The following BCKDHB variants were observed in gnomAD, a reference collection of about 807,000 sequenced individuals.
BCKDHB encodes the protein 2-oxoisovalerate dehydrogenase subunit beta, mitochondrial.
BCKDHB carries 41 observed loss-of-function variants against 48.5 expected under a neutral mutation model. The observed-to-expected ratio is 0.85, with a 90% confidence interval of 0.66 to 1.10. The LOEUF (loss-of-function observed/expected upper bound fraction) is 1.10, where lower values mean the gene tolerates loss of function less well. BCKDHB is among the 50% of genes least tolerant of loss of function. The probability of loss-of-function intolerance (pLI) is 0.00; values close to 1 mark genes in which losing one functional copy is unlikely to be tolerated. For missense variants in BCKDHB, 496 were observed against 494.2 expected (o/e 1.00, Z -0.03); for synonymous variants, 201 against 174.8 (o/e 1.15, Z -1.18).
At chr6:80,136,479 C>T (rs576079664) in intron 3 of BCKDHB, among the ~76,000 whole-genome samples, 1 of 152,032 alleles carries the variant, frequency 6.6e-6, no homozygotes, top group African/African-American at 2.4e-5. Context: ...AGATCACAGA[C>T]TTAAATGTAA....
At chr6:80,144,970 A>G (rs1771408930) in intron 3 of BCKDHB, among the ~76,000 whole-genome samples, 1 of 152,160 alleles carries the variant, frequency 6.6e-6, no homozygotes, top group African/African-American at 2.4e-5. Flanking sequence ...TCCATGTTCC[A>G]GGGAAGTACA....
At chr6:80,429,828 C>A in the BCKDHB span, among the ~76,000 whole-genome samples, 1 of 152,180 alleles carries the variant, frequency 6.6e-6, no homozygotes, top group Non-Finnish European at 1.5e-5. Flanking sequence ...AATTTGACTT[C>A]CTCTTTTCCT....
At chr6:80,171,492 T>A in intron 6 of BCKDHB, 102 bp downstream of exon 6, 1 of 696,198 alleles carries the variant, frequency 1.4e-6, no homozygotes, top group Non-Finnish European at 2.3e-6. Context: ...TGATTTATAT[T>A]TTCCTTGTAG....
intron 6 of BCKDHB, among the ~76,000 whole-genome samples, chr6:80,171,594 G>A (rs1772921333): frequency 6.6e-6 from 1 of 151,922 alleles, no homozygotes; most frequent in Non-Finnish European, 1.5e-5. Flanking sequence ...TATTTTGATT[G>A]TGGAAACAAA....
the BCKDHB span, among the ~76,000 whole-genome samples, chr6:80,443,737 C>T: frequency 2.0e-5 from 3 of 151,988 alleles, no homozygotes; most frequent in East Asian, 1.9e-4. Flanking sequence ...TTCAAACTCC[C>T]GGCTTAAGGA....
the BCKDHB span, among the ~76,000 whole-genome samples, chr6:80,421,524 G>A: frequency 1.3e-5 from 2 of 152,148 alleles, no homozygotes; most frequent in Non-Finnish European, 2.9e-5. Flanking sequence ...GAAAGATGAG[G>A]GAAAGATTGG....
chr6:80,127,746 T>C, intron 2 of BCKDHB, 122 bp downstream of exon 2: 1 of 920,196 alleles, frequency 1.1e-6, no homozygotes, highest in Non-Finnish European at 1.8e-6. Flanking sequence ...TTCAAAGGTA[T>C]GATTGGGGCT....
At chr6:80,192,724 A>C (rs1773953293) in intron 6 of BCKDHB, among the ~76,000 whole-genome samples, 1 of 152,202 alleles carries the variant, frequency 6.6e-6, no homozygotes, top group African/African-American at 2.4e-5. Flanking sequence ...GTTTACATTA[A>C]ATGAGACAGG....
At chr6:80,452,697 A>G in the BCKDHB span, among the ~76,000 whole-genome samples, 1 of 152,172 alleles carries the variant, frequency 6.6e-6, no homozygotes, top group Non-Finnish European at 1.5e-5. Context: ...GGCAGATTAG[A>G]AGCAGAATGT....
chr6:80,266,230 A>C (rs1371788237), intron 8 of BCKDHB, among the ~76,000 whole-genome samples: 1 of 152,098 alleles, frequency 6.6e-6, no homozygotes, highest in African/African-American at 2.4e-5. Flanking sequence ...GTTGAGATGG[A>C]GATTAGGAAT....
intron 8 of BCKDHB, among the ~76,000 whole-genome samples, chr6:80,261,150 G>A (rs540343698): frequency 1.8e-4 from 27 of 152,284 alleles, no homozygotes; most frequent in African/African-American, 6.5e-4. Flanking sequence ...TGCAGTCTGT[G>A]ATTTGTGTAC....
rs147178625 is a variant in BCKDHB at position 80,159,373 on chromosome 6, T to A, written c.344-8305T>A. Reference sequence around the variant, plus strand: ...AAAAAAAATCAGTTAGCATCTAACATCTGTTAATTATTTTTAGTAACTCCT... The same window carrying A: ...AAAAAAAATCAGTTAGCATCTAACAACTGTTAATTATTTTTAGTAACTCCT... On this transcript the variant is annotated intron_variant, in intron 3 of 9. Transcript: ENST00000320393. 1.5e-3 allele frequency among the ~76,000 whole-genome samples: 233 copies of A among 152,302 alleles called. 1 individual carries two copies. Among genetic ancestry groups the A allele is most frequent in the African/African-American group, 5.4e-3 (224 of 41,572 alleles).
chr6:80,221,835 G>A (rs949117372), intron 8 of BCKDHB, among the ~76,000 whole-genome samples: 1 of 152,088 alleles, frequency 6.6e-6, no homozygotes, highest in Non-Finnish European at 1.5e-5. Context: ...AAAGAATTTG[G>A]CACTTACAGC....
chr6:80,162,176 CAG>C (rs1772349489), intron 3 of BCKDHB, among the ~76,000 whole-genome samples: 1 of 152,140 alleles, frequency 6.6e-6, no homozygotes, highest in East Asian at 1.9e-4. Flanking sequence ...TCCATTCTCC[CAG>C]ATGACTATTT....
chr6:80,168,854 G>A (rs193196762), intron 4 of BCKDHB, 21 bp from the exon 5 acceptor site: 130 of 1,613,766 alleles, frequency 8.1e-5, no homozygotes, highest in African/African-American at 1.5e-4. Flanking sequence ...GCCATGCCCC[G>A]TCTTTCTTTC....
intron 6 of BCKDHB, among the ~76,000 whole-genome samples, chr6:80,181,108 A>G (rs1046584212): frequency 6.6e-6 from 1 of 152,164 alleles, no homozygotes; most frequent in African/African-American, 2.4e-5. Context: ...CATTTTATTT[A>G]TAAATCATCC....
the BCKDHB span, among the ~76,000 whole-genome samples, chr6:80,414,442 C>A: frequency 2.6e-5 from 4 of 151,998 alleles, no homozygotes; most frequent in Non-Finnish European, 5.9e-5. Flanking sequence ...CATTGAAGTC[C>A]TTAATCTATC....
chr6:80,261,628 C>T (rs1228007183), intron 8 of BCKDHB, among the ~76,000 whole-genome samples: 2 of 152,026 alleles, frequency 1.3e-5, no homozygotes, highest in African/African-American at 2.4e-5. Flanking sequence ...CTTCATTTCA[C>T]GAGTGTGGTT....
At chr6:80,169,056 G>C in intron 5 of BCKDHB, 26 bp downstream of exon 5, 1 of 1,609,362 alleles carries the variant, frequency 6.2e-7, no homozygotes, top group Non-Finnish European at 8.5e-7. Flanking sequence ...TACTTTATTT[G>C]ATTTCTATTT....
Sources: allele counts gnomAD v4.1 joint callset (sites outside exome capture counted in the v4.1 genomes callset), GRCh38; gene constraint gnomAD v4.1.1; transcripts MANE v1.5; gene names NCBI Gene and HGNC (gene_info 2026-07-23, HGNC 2026-07-21).